ISCA1: variants seen among roughly 807,000 people sequenced by gnomAD.
ISCA1 encodes iron-sulfur cluster assembly 1 homolog, mitochondrial.
A neutral mutation model predicts 14.7 loss-of-function variants in ISCA1; 9 were observed. The observed-to-expected ratio is 0.61, with a 90% CI of 0.37 to 1.07. The LOEUF (loss-of-function observed/expected upper bound fraction) is 1.07. Among genes scored for constraint, ISCA1 ranks in the 50% least tolerant of loss-of-function variants. ISCA1 has a pLI of 0.01. For synonymous variants in ISCA1, 38 were observed against 54.3 expected (o/e 0.70, Z 1.32); for missense variants, 102 against 150.1 (o/e 0.68, Z 1.67).
chr9:86,269,564 T>C (rs1825339690), intron 3 of ISCA1, among the ~76,000 whole-genome samples: 1 of 151,986 alleles, frequency 6.6e-6, no homozygotes, highest in South Asian at 2.1e-4. Flanking sequence ...TACCAATGAC[T>C]TTCTTCACAG....
At chr9:86,273,280 T>C (rs1825395775) in intron 2 of ISCA1, among the ~76,000 whole-genome samples, 1 of 152,210 alleles carries the variant, frequency 6.6e-6, no homozygotes, top group Non-Finnish European at 1.5e-5. Context: ...CATCGGCAAC[T>C]AACAATGTAC....
intron 3 of ISCA1, chr9:86,267,693 C>A: frequency 1.0e-5 from 6 of 599,216 alleles, no homozygotes; most frequent in Non-Finnish European, 1.3e-5. Flanking sequence ...ATGAACCAGG[C>A]ATGGTGGTGG....
In ISCA1 at chr9:86,265,198, C is replaced by T. The variant is rs1564007654; in HGVS notation, c.*845G>A. 6.6e-6 allele frequency: 1 copy of T among 152,174 alleles called. No individual in the cohort carries two copies. Among genetic ancestry groups the T allele is most frequent in the South Asian group, 2.1e-4 (1 of 4,830 alleles). 9.4% of individuals were successfully genotyped at this position (152,174 alleles called of 1,614,324 possible). A position where few individuals can be genotyped will look rare whatever the true frequency, so the allele number is the denominator to read the frequency against. Reference sequence around the variant, plus strand: ...CCACATAAAGAAGTCAGACCATTTGCCTTCGCTGACTGCCTCAGAGGGCAG... The same window carrying T: ...CCACATAAAGAAGTCAGACCATTTGTCTTCGCTGACTGCCTCAGAGGGCAG... On this transcript the variant is annotated 3_prime_UTR_variant, in exon 4 of 4. Transcript: ENST00000375991.
chr9:86,266,398 T>C (rs888232817), intron 3 of ISCA1, among the ~76,000 whole-genome samples: 2 of 152,190 alleles, frequency 1.3e-5, no homozygotes, highest in Non-Finnish European at 2.9e-5. Context: ...CACAATCACA[T>C]TAGGGGAGAA....
chr9:86,282,037 CG>C (rs1355316122), intron 1 of ISCA1: 1 of 281,466 alleles, frequency 3.6e-6, no homozygotes, highest in Non-Finnish European at 6.8e-6. Context: ...TCTGCTTAAC[CG>C]GAACGGCCGA....
intron 1 of ISCA1, among the ~76,000 whole-genome samples, chr9:86,275,654 T>G (rs1198697703): frequency 6.6e-6 from 1 of 152,230 alleles, no homozygotes; most frequent in Non-Finnish European, 1.5e-5. Flanking sequence ...TATTAATATA[T>G]AGTATCTGTG....
At chr9:86,276,918 C>T (rs981805147) in intron 1 of ISCA1, among the ~76,000 whole-genome samples, 1 of 142,534 alleles carries the variant, frequency 7.0e-6, no homozygotes, top group East Asian at 2.2e-4. Flanking sequence ...GGAAAATATC[C>T]GCGGGAACTA....
At chr9:86,274,095 C>A in intron 2 of ISCA1, 94 bp downstream of exon 2, 4 of 678,086 alleles carry the variant, frequency 5.9e-6, no homozygotes. Flanking sequence ...TAAATAAAAA[C>A]CCCTAAATGA....
In ISCA1 at chr9:86,274,805, T is replaced by C. The variant is rs201189780; in HGVS notation, c.82-563A>G. Among the ~76,000 whole-genome samples the C allele has an allele frequency of 7.2e-5, 11 of 152,162 alleles. No homozygotes were observed. In the East Asian group the frequency reaches 7.7e-4, roughly 11 times the overall value. ...GCACCAGTCCCACCAAATGCTCACA[T>C]AGATTTTTTTCAACGTGGATTAAAC... On this transcript the variant is annotated intron_variant, in intron 1 of 3. Coordinates refer to ENST00000375991, the MANE Select transcript of ISCA1 (RefSeq NM_030940.4).
chr9:86,272,177 A>G, intron 2 of ISCA1, 65 bp from the exon 3 acceptor site: 1 of 966,766 alleles, frequency 1.0e-6, no homozygotes, highest in Non-Finnish European at 1.7e-6. Flanking sequence ...TTATACTAAT[A>G]AAGTGACAGT....
chr9:86,279,703 C>A (rs1825485306), intron 1 of ISCA1, among the ~76,000 whole-genome samples: 1 of 152,226 alleles, frequency 6.6e-6, no homozygotes, highest in African/African-American at 2.4e-5. Context: ...ACATTTACCT[C>A]TTCCAATCAG....
At chr9:86,275,468 C>T (rs1382862216) in intron 1 of ISCA1, among the ~76,000 whole-genome samples, 2 of 152,156 alleles carry the variant, frequency 1.3e-5, no homozygotes, top group Non-Finnish European at 2.9e-5. Flanking sequence ...CTCTCCTGCC[C>T]TGTCGGGGTT....
chr9:86,265,953 C>T lies in ISCA1; in HGVS notation c.*90G>A. On this transcript the variant is annotated 3_prime_UTR_variant, in exon 4 of 4. Transcript: ENST00000375991. ...TTTTCAAGATGTATCACTTTATTTT[C>T]CAGCACGTGACAGTCACATGATTTC... 1.3e-6 allele frequency: 2 copies of T among 1,545,672 alleles called. No homozygotes were observed. Among genetic ancestry groups the T allele is most frequent in the Non-Finnish European group, 1.8e-6 (2 of 1,120,070 alleles).
rs1182774588 is a variant in ISCA1 at position 86,266,325 on chromosome 9, TCCTTAAGGAATTAAG to T, written c.242-149_242-135del. The T allele has an allele frequency of 5.9e-6, 8 of 1,365,804 alleles. No homozygotes were observed. In the Admixed American group the frequency reaches 9.2e-5, roughly 16 times the overall value. The allele number at this position is 1,365,804 out of a possible 1,614,324, so 84.6% of individuals were successfully genotyped here. A position where few individuals can be genotyped will look rare whatever the true frequency, so the allele number is the denominator to read the frequency against. On this transcript the variant is annotated intron_variant, in intron 3 of 3. Coordinates refer to ENST00000375991, the MANE Select transcript of ISCA1 (RefSeq NM_030940.4). ...GAAGCCTTGAACATTTTAAATTATTTCCTTAAGGAATTAAGCATTCAGTTTCCTGTCTGCCCCTTC... is the reference window on the plus strand; with the variant it reads ...GAAGCCTTGAACATTTTAAATTATTTCATTCAGTTTCCTGTCTGCCCCTTC...
chr9:86,270,643 C>T (rs1247966084), intron 3 of ISCA1, among the ~76,000 whole-genome samples: 7 of 151,988 alleles, frequency 4.6e-5, no homozygotes, highest in Non-Finnish European at 8.8e-5. Flanking sequence ...CACATGCACA[C>T]GTATGTTTAC....
At chr9:86,280,699 C>A (rs1825501033) in intron 1 of ISCA1, among the ~76,000 whole-genome samples, 1 of 151,816 alleles carries the variant, frequency 6.6e-6, no homozygotes, top group Non-Finnish European at 1.5e-5. Context: ...ACCTGTAATC[C>A]CTGCACACTG....
intron 1 of ISCA1, among the ~76,000 whole-genome samples, chr9:86,278,696 G>T (rs12684313): frequency 4.6e-5 from 7 of 151,962 alleles, no homozygotes; most frequent in Admixed American, 3.9e-4. Context: ...TGTAATCATG[G>T]CATATATACA....
chr9:86,268,358 T>C (rs935386364), intron 3 of ISCA1, among the ~76,000 whole-genome samples: 3 of 143,194 alleles, frequency 2.1e-5, no homozygotes, highest in African/African-American at 7.8e-5. Flanking sequence ...AAATTAAAAA[T>C]AGAGAAAAGC....
chr9:86,270,447 G>C (rs1370412041), intron 3 of ISCA1, among the ~76,000 whole-genome samples: 3 of 150,052 alleles, frequency 2.0e-5, no homozygotes, highest in African/African-American at 7.3e-5. Context: ...GAAACAACAG[G>C]TGCTGGAGAG....
Sources: gnomAD v4.1 joint callset for allele counts (sites outside exome capture counted in the v4.1 genomes callset) on GRCh38, gnomAD v4.1.1 for gene constraint, MANE v1.5 for transcripts, NCBI Gene and HGNC (gene_info 2026-07-23, HGNC 2026-07-21) for gene names.